Variants in BICD1 observed in about 807,000 individuals in gnomAD.
BICD1 encodes the protein BICD cargo adaptor 1, also known as protein bicaudal D homolog 1.
A neutral mutation model predicts 92.5 loss-of-function variants in BICD1; 35 were observed. That is an observed-to-expected ratio of 0.38 (90% confidence interval 0.29 to 0.50). BICD1 has a LOEUF of 0.50. Ranked by LOEUF, BICD1 falls within the 20% of genes least tolerant of loss-of-function variation. BICD1 has a pLI of 0.93. For synonymous variants in BICD1, 429 were observed against 465.1 expected (o/e 0.92, Z 1.00); for missense variants, 950 against 1,189.8 (o/e 0.80, Z 2.97).
intron 1 of BICD1, among the ~76,000 whole-genome samples, chr12:32,191,697 A>C (rs1338264257): frequency 7.0e-6 from 1 of 143,308 alleles, no homozygotes; most frequent in African/African-American, 2.5e-5. Flanking sequence ...TAATACATAT[A>C]TATTATGATA....
chr12:32,334,482 T>C lies in BICD1; in HGVS notation c.2101-34T>C, dbSNP rs764791315. ...ATCTGTATGATGGATTTTCCTGATA[T>C]GAAAATTGTAAGCAGTGTGATTTTC... On this transcript the variant is annotated intron_variant, in intron 5 of 9. Coordinates refer to ENST00000652176, the MANE Select transcript of BICD1 (RefSeq NM_001714.4). The C allele has an allele frequency of 4.5e-6, 7 of 1,564,956 alleles. No homozygotes were observed. The Admixed American group carries it at 5.7e-5, about 13-fold the overall frequency.
chr12:32,286,669 C>G (rs1284970649), intron 2 of BICD1, among the ~76,000 whole-genome samples: 2 of 152,112 alleles, frequency 1.3e-5, no homozygotes, highest in Non-Finnish European at 2.9e-5. Context: ...GCATTGTTCT[C>G]CCTTTGTGCC....
intron 1 of BICD1, among the ~76,000 whole-genome samples, chr12:32,214,336 G>C (rs1945294906): frequency 6.6e-6 from 1 of 152,100 alleles, no homozygotes; most frequent in Non-Finnish European, 1.5e-5. Flanking sequence ...GTATATCATT[G>C]CTTCTAGGCC....
intron 2 of BICD1, among the ~76,000 whole-genome samples, chr12:32,254,436 G>C (rs149117366): frequency 2.3e-3 from 355 of 152,354 alleles, no homozygotes; most frequent in Non-Finnish European, 4.0e-3. Context: ...AGCATTTGTA[G>C]GTGCTCAGTG....
chr12:32,277,349 A>G (rs575761290), intron 2 of BICD1, among the ~76,000 whole-genome samples: 25 of 152,298 alleles, frequency 1.6e-4, no homozygotes, highest in Middle Eastern at 3.4e-3. Flanking sequence ...AGCTGAGATC[A>G]TGCCACTGCA....
intron 8 of BICD1, among the ~76,000 whole-genome samples, chr12:32,346,666 A>G (rs1337492645): frequency 2.4e-5 from 3 of 125,896 alleles, no homozygotes; most frequent in Admixed American, 8.7e-5. Context: ...ATACACACAC[A>G]CACGCACACA....
intron 9 of BICD1, among the ~76,000 whole-genome samples, chr12:32,372,237 T>A (rs940691526): frequency 6.6e-6 from 1 of 152,208 alleles, no homozygotes; most frequent in Non-Finnish European, 1.5e-5. Flanking sequence ...CCCAGCACTT[T>A]GGGAGGCCAA....
chr12:32,261,114 T>C (rs1374044820), intron 2 of BICD1, among the ~76,000 whole-genome samples: 3 of 152,216 alleles, frequency 2.0e-5, no homozygotes, highest in African/African-American at 4.8e-5. Context: ...GGGGACTTTG[T>C]TACCGAAGGA....
intron 2 of BICD1, among the ~76,000 whole-genome samples, chr12:32,280,147 TTCAC>T (rs1178230172): frequency 2.0e-5 from 3 of 152,246 alleles, no homozygotes; most frequent in Admixed American, 2.0e-4. Flanking sequence ...CAGTATGGGT[TTCAC>T]TGTAGTTTTA....
At chr12:32,163,866 G>C (rs1943671982) in intron 1 of BICD1, among the ~76,000 whole-genome samples, 1 of 152,158 alleles carries the variant, frequency 6.6e-6, no homozygotes, top group Non-Finnish European at 1.5e-5. Flanking sequence ...CAAGACCCCT[G>C]CGTTATCATT....
At chr12:32,142,405 T>TA (rs1162662533) in intron 1 of BICD1, among the ~76,000 whole-genome samples, 1,119 of 63,372 alleles carry the variant, frequency 0.018, 106 homozygotes, top group African/African-American at 0.069. Flanking sequence ...AGACTCTGTC[T>TA]AAAAAAAAAA....
At chr12:32,222,674 T>G (rs2121575683) in intron 2 of BICD1, among the ~76,000 whole-genome samples, 1 of 152,334 alleles carries the variant, frequency 6.6e-6, no homozygotes, top group South Asian at 2.1e-4. Flanking sequence ...TTTAAATTCA[T>G]GCACTGAAAC....
At position 32,192,214 on chromosome 12, in the gene BICD1, A is replaced by G. The variant is rs190067999; in HGVS notation, c.214-24033A>G. 4.3e-3 allele frequency among the ~76,000 whole-genome samples: 653 copies of G among 152,098 alleles called. 3 individuals carry two copies. The highest frequency in any genetic ancestry group is 0.015 in the African/African-American group (622 of 41,510). On this transcript the variant is annotated intron_variant, in intron 1 of 9. Coordinates refer to ENST00000652176, the MANE Select transcript of BICD1 (RefSeq NM_001714.4). ...TGGGAGGCCAAGGTGGGCAGATCAC[A>G]AGGTCAAGAGATCGAGACCATCCTG... is the stretch of plus-strand genomic sequence containing the variant.
At chr12:32,248,079 TCAAA>T (rs201514318) in intron 2 of BICD1, among the ~76,000 whole-genome samples, 1,949 of 151,688 alleles carry the variant, frequency 0.013, 31 homozygotes, top group African/African-American at 0.034. Flanking sequence ...CGAGACTCCA[TCAAA>T]CAAACAAACA....
chr12:32,131,354 G>A (rs1445845526), intron 1 of BICD1, among the ~76,000 whole-genome samples: 1 of 152,078 alleles, frequency 6.6e-6, no homozygotes, highest in East Asian at 1.9e-4. Context: ...AAAAGGTGGT[G>A]CTCATTTTCT....
At chr12:32,273,619 A>T (rs1391560228) in intron 2 of BICD1, among the ~76,000 whole-genome samples, 2 of 152,250 alleles carry the variant, frequency 1.3e-5, no homozygotes, top group African/African-American at 4.8e-5. Flanking sequence ...AGTAATAATG[A>T]TCAGCTAGTA....
chr12:32,221,352 TA>T (rs750415659), intron 2 of BICD1, among the ~76,000 whole-genome samples: 2,498 of 145,790 alleles, frequency 0.017, 65 homozygotes, highest in African/African-American at 0.056. Context: ...TCACAAAAAA[TA>T]AAAAAATAAA....
At chr12:32,207,766 G>A (rs944082708) in intron 1 of BICD1, among the ~76,000 whole-genome samples, 3 of 152,188 alleles carry the variant, frequency 2.0e-5, no homozygotes, top group Non-Finnish European at 4.4e-5. Flanking sequence ...TAAACCGTAA[G>A]AGCCTATGCC....
At chr12:32,258,999 A>G (rs1016185704) in intron 2 of BICD1, among the ~76,000 whole-genome samples, 1 of 151,896 alleles carries the variant, frequency 6.6e-6, no homozygotes, top group East Asian at 1.9e-4. Flanking sequence ...GGAAAGGAAG[A>G]CTCCCTTTCA....
Sources: gnomAD v4.1 joint callset for allele counts (sites outside exome capture counted in the v4.1 genomes callset) on GRCh38, gnomAD v4.1.1 for gene constraint, MANE v1.5 for transcripts, NCBI Gene and HGNC (gene_info 2026-07-23, HGNC 2026-07-21) for gene names.